Variants in PTPN3 observed in about 807,000 individuals in gnomAD.
PTPN3 encodes protein tyrosine phosphatase non-receptor type 3, also known as tyrosine-protein phosphatase non-receptor type 3.
In PTPN3, 96 loss-of-function variants were observed where a neutral mutation model predicts 132.7. The observed-to-expected ratio is 0.72, with a 90% CI of 0.61 to 0.86. PTPN3 has a LOEUF of 0.86. Among genes scored for constraint, PTPN3 ranks in the 40% least tolerant of loss-of-function variants. The pLI is 0.00. For missense variants in PTPN3, 1,125 were observed against 1,159.6 expected, an observed-to-expected ratio of 0.97 and a Z score of 0.43; for synonymous variants, 398 against 429.0, an observed-to-expected ratio of 0.93 and a Z score of 0.89.
rs549197792 is a variant in PTPN3, at chr9:109,413,681, G to A, written c.1314-3266C>T. Among the ~76,000 whole-genome samples, 8 of 152,252 alleles carry A rather than the reference G, an allele frequency of 5.3e-5. 1 individual carries two copies. In the South Asian group the frequency reaches 1.5e-3, roughly 28 times the overall value. ...AAGAGGTTTGTCCCTGAGGCAGGAC[G>A]GGGAAGACACCATGGAAGAGCCAGT... is the stretch of plus-strand genomic sequence containing the variant. On this transcript the variant is annotated intron_variant, in intron 14 of 25. Coordinates refer to ENST00000374541, the MANE Select transcript of PTPN3 (RefSeq NM_002829.4).
At chr9:109,452,710 C>T (rs10979878) in intron 5 of PTPN3, among the ~76,000 whole-genome samples, 41,476 of 151,874 alleles carry the variant, frequency 0.27, 6,071 homozygotes, top group South Asian at 0.4. Context: ...ACATGCACCA[C>T]CACACCTGAC....
rs1564361802 is a variant in PTPN3, at chr9:109,377,454, AC to A, written c.*2101del. ...CACACACACACACACACACACACAC[AC>A]ACAAGCCAGGTGAGGTGGCATGTGC... On this transcript the variant is annotated 3_prime_UTR_variant, in exon 26 of 26. Transcript: ENST00000374541. 9 of 126,306 alleles carry A rather than the reference AC, an allele frequency of 7.1e-5. No individual in the cohort carries two copies. Among genetic ancestry groups the A allele is most frequent in the Non-Finnish European group, 8.2e-5 (5 of 60,610 alleles). 7.8% of individuals were successfully genotyped at this position (126,306 alleles called of 1,614,324 possible). A position where few individuals can be genotyped will look rare whatever the true frequency, so the allele number is the denominator to read the frequency against.
chr9:109,408,764 C>T (rs1278633520), intron 16 of PTPN3, among the ~76,000 whole-genome samples: 1 of 126,842 alleles, frequency 7.9e-6, no homozygotes, highest in Non-Finnish European at 1.6e-5. Flanking sequence ...CACATGTACC[C>T]TAGAACTTAT....
At chr9:109,499,141 G>A (rs962308879), upstream of PTPN3, among the ~76,000 whole-genome samples, 1 of 128,136 alleles carries the variant, frequency 7.8e-6, no homozygotes, top group South Asian at 2.7e-4. Context: ...GGGAAAGAGG[G>A]ACAGGTAACA....
intron 1 of PTPN3, among the ~76,000 whole-genome samples, chr9:109,485,880 A>G (rs377114979): frequency 6.6e-6 from 1 of 152,264 alleles, no homozygotes; most frequent in African/African-American, 2.4e-5. Context: ...AGTAACTCTG[A>G]AGAAAACTGA....
Position 109,427,032 on chromosome 9 carries a change from AC to A in PTPN3, c.918del (p.Phe307SerfsTer30). On this transcript the variant is annotated frameshift_variant, in exon 12 of 26. Coordinates refer to ENST00000374541, the MANE Select transcript of PTPN3 (RefSeq NM_002829.4). LOFTEE classifies it high-confidence loss of function. Reference protein sequence around the residue: ...NLWKSCVEHHTFFQAKKLLPQ... With the variant: ...NLWKSCVEHHXFFQAKKLLPQ... ...GGTAGTAGCTTCTTTGCCTGAAAGA[AC>A]GTATGGTGCTCAACACAGGATTTCC... 6.2e-7 allele frequency: 1 copy of A among 1,613,916 alleles called. No homozygotes were observed. Among genetic ancestry groups the A allele is most frequent in the Non-Finnish European group, 8.5e-7 (1 of 1,179,776 alleles).
chr9:109,411,375 A>G (rs1032096593), intron 14 of PTPN3, among the ~76,000 whole-genome samples: 2 of 152,134 alleles, frequency 1.3e-5, no homozygotes, highest in Non-Finnish European at 2.9e-5. Context: ...TCTCCAGACC[A>G]TGCAGAGCCC....
intron 17 of PTPN3, 80 bp from the exon 18 acceptor site, chr9:109,406,698 C>T: frequency 1.9e-6 from 3 of 1,554,190 alleles, no homozygotes; most frequent in Non-Finnish European, 1.8e-6. Context: ...GCTCTGCTCC[C>T]AGACACCTGG....
Position 109,409,989 on chromosome 9 carries a change from C to T in PTPN3, c.1578+10G>A, listed in dbSNP as rs1260652784. 2 of 1,613,116 alleles carry T rather than the reference C, an allele frequency of 1.2e-6. No homozygotes were observed. The highest frequency in any genetic ancestry group is 1.7e-5 in the Admixed American group (1 of 59,838). ...CAGCACAAAACTTCCTTTATAAATA[C>T]ACAACATACCTTAAGATTAAATCCA... On this transcript the variant is annotated intron_variant, in intron 16 of 25. Coordinates refer to ENST00000374541, the MANE Select transcript of PTPN3 (RefSeq NM_002829.4).
chr9:109,450,113 T>G lies in PTPN3; in HGVS notation c.369-1258A>C, dbSNP rs529036484. On this transcript the variant is annotated intron_variant, in intron 5 of 25. Transcript: ENST00000374541. Reference sequence around the variant, plus strand: ...CACTATGCTACAAATTTCTTATATGTTTAATGGCTAAAAAGCTTAGGATCC... The same window carrying G: ...CACTATGCTACAAATTTCTTATATGGTTAATGGCTAAAAAGCTTAGGATCC... 3.9e-5 allele frequency: 38 copies of G among 984,564 alleles called. No homozygotes were observed. The African/African-American group carries it at 5.9e-4, about 15-fold the overall frequency. 61.0% of individuals were successfully genotyped at this position (984,564 alleles called of 1,614,324 possible). A position where few individuals can be genotyped will look rare whatever the true frequency, so the allele number is the denominator to read the frequency against.
intron 6 of PTPN3, among the ~76,000 whole-genome samples, chr9:109,447,217 A>G (rs1844921852): frequency 6.6e-6 from 1 of 152,140 alleles, no homozygotes; most frequent in Admixed American, 6.5e-5. Context: ...GGAGAATTAG[A>G]CTAGAAGTTC....
chr9:109,408,445 C>T (rs901450507), intron 16 of PTPN3, 68 bp from the exon 17 acceptor site: 31 of 798,558 alleles, frequency 3.9e-5, no homozygotes, highest in Middle Eastern at 3.0e-4. Context: ...AACAAAAAAA[C>T]GAGTAGCTCA....
At chr9:109,537,009 G>A in the PTPN3 span, among the ~76,000 whole-genome samples, 3 of 152,072 alleles carry the variant, frequency 2.0e-5, no homozygotes, top group Non-Finnish European at 4.4e-5. Context: ...GAAGGGAAGG[G>A]TGCAGGGCAG....
At chr9:109,534,406 G>T in the PTPN3 span, 2 of 1,439,022 alleles carry the variant, frequency 1.4e-6, no homozygotes, top group Non-Finnish European at 1.8e-6. Flanking sequence ...AGCTAGGCCA[G>T]CGGTGGTGGT....
At chr9:109,409,477 A>T (rs1241105833) in intron 16 of PTPN3, among the ~76,000 whole-genome samples, 1 of 152,182 alleles carries the variant, frequency 6.6e-6, no homozygotes, top group Non-Finnish European at 1.5e-5. Context: ...AGCCAATGCC[A>T]GGCACAGAGC....
At chr9:109,420,713 G>T in intron 13 of PTPN3, 113 bp from the exon 14 acceptor site, 1 of 1,136,760 alleles carries the variant, frequency 8.8e-7, no homozygotes, top group Non-Finnish European at 1.2e-6. Flanking sequence ...CTTCCTTGGC[G>T]GAGGCTGACA....
intron 1 of PTPN3, among the ~76,000 whole-genome samples, chr9:109,479,347 T>C (rs1203801109): frequency 6.6e-6 from 1 of 152,392 alleles, no homozygotes; most frequent in Admixed American, 6.5e-5. Context: ...TATTTTAGCA[T>C]GTATCAGAAC....
the PTPN3 span, among the ~76,000 whole-genome samples, chr9:109,522,613 C>T: frequency 6.6e-6 from 1 of 152,280 alleles, no homozygotes; most frequent in South Asian, 2.1e-4. Context: ...CTGCTAGTGG[C>T]ATTGTAAACT....
chr9:109,451,352 T>C, intron 5 of PTPN3: 1 of 975,186 alleles, frequency 1.0e-6, no homozygotes. Flanking sequence ...AGGTCATAGT[T>C]ACATTCTACT....
Sources: gnomAD v4.1 joint callset for allele counts (sites outside exome capture counted in the v4.1 genomes callset) on GRCh38, gnomAD v4.1.1 for gene constraint, MANE v1.5 for transcripts, NCBI Gene and HGNC (gene_info 2026-07-23, HGNC 2026-07-21) for gene names.